Variants in PTPRK observed in about 807,000 individuals in gnomAD.
The protein encoded by PTPRK is receptor-type tyrosine-protein phosphatase kappa.
Under a neutral mutation model 178.0 loss-of-function variants are expected in PTPRK, and 75 were observed. The observed-to-expected ratio is 0.42, with a 90% CI of 0.35 to 0.51. The LOEUF is 0.51. Among genes scored for constraint, PTPRK ranks in the 20% least tolerant of loss-of-function variants. The probability of loss-of-function intolerance (pLI) is 0.02; values close to 1 mark genes in which losing one functional copy is unlikely to be tolerated. For synonymous variants in PTPRK, 637 were observed against 620.6 expected (o/e 1.03, Z -0.39); for missense variants, 1,441 against 1,797.8 (o/e 0.80, Z 3.59).
intron 13 of PTPRK, among the ~76,000 whole-genome samples, chr6:128,017,293 T>G (rs1779691718): frequency 6.6e-6 from 1 of 152,068 alleles, no homozygotes; most frequent in African/African-American, 2.4e-5. Context: ...AGAGATTTTG[T>G]ACAAGGCTAT....
At chr6:128,321,528 T>A in intron 3 of PTPRK, 1 of 374,226 alleles carries the variant, frequency 2.7e-6, no homozygotes, top group East Asian at 5.4e-5. Context: ...ATTTATTCAA[T>A]TAATTAATCA....
chr6:128,287,855 T>G lies in PTPRK; in HGVS notation c.495+34184A>C, dbSNP rs571972459. 2.6e-5 allele frequency among the ~76,000 whole-genome samples: 4 copies of G among 152,330 alleles called. 1 individual carries two copies. The highest frequency in any genetic ancestry group is 9.6e-5 in the African/African-American group (4 of 41,572). On this transcript the variant is annotated intron_variant, in intron 3 of 29. Transcript: ENST00000368226. ...TCCCCTTTCTATTTACTCCTTTCCATTAGCCTTTTATAAATATGCTCAAGT... is the reference window on the plus strand; with the variant it reads ...TCCCCTTTCTATTTACTCCTTTCCAGTAGCCTTTTATAAATATGCTCAAGT...
chr6:128,258,961 G>A (rs1455122244), intron 3 of PTPRK, among the ~76,000 whole-genome samples: 1 of 152,154 alleles, frequency 6.6e-6, no homozygotes, highest in Non-Finnish European at 1.5e-5. Context: ...GAAGCCAGTG[G>A]AGGATATGGG....
intron 7 of PTPRK, among the ~76,000 whole-genome samples, chr6:128,092,206 T>C (rs896971681): frequency 1.3e-5 from 2 of 152,176 alleles, no homozygotes; most frequent in Non-Finnish European, 2.9e-5. Context: ...TTTCTAAGAA[T>C]TGACAAAGTC....
chr6:128,453,734 G>A (rs1044930589), intron 1 of PTPRK, among the ~76,000 whole-genome samples: 1 of 152,112 alleles, frequency 6.6e-6, no homozygotes, highest in Non-Finnish European at 1.5e-5. Context: ...ATAAAACTTT[G>A]GAATTTGGGA....
chr6:128,365,557 C>A (rs1211484912), intron 2 of PTPRK, among the ~76,000 whole-genome samples: 5 of 152,070 alleles, frequency 3.3e-5, no homozygotes, highest in Non-Finnish European at 7.4e-5. Flanking sequence ...AGTCAAGTGA[C>A]CATTCATACT....
rs9385459 is a variant in PTPRK, at chr6:128,474,202, A to C, written c.100+46057T>G. Among the ~76,000 whole-genome samples, 8,592 of 151,674 alleles carry C rather than the reference A, an allele frequency of 0.057. 1,071 individuals carry two copies. In the East Asian group the frequency reaches 0.57, roughly 10 times the overall value. ...AAAACAAACAAACAAACAAACAAAC[A>C]AACCCTGAAAGTCATGTTGTAAGAG... On this transcript the variant is annotated intron_variant, in intron 1 of 29. Coordinates refer to ENST00000368226, the MANE Select transcript of PTPRK (RefSeq NM_002844.4).
At chr6:128,341,671 G>C (rs1484475258) in intron 2 of PTPRK, among the ~76,000 whole-genome samples, 1 of 152,124 alleles carries the variant, frequency 6.6e-6, no homozygotes, top group Non-Finnish European at 1.5e-5. Flanking sequence ...GCTAGGAAAG[G>C]CTTTCCTGCC....
chr6:128,005,216 T>C lies in PTPRK; in HGVS notation c.2362A>G (p.Met788Val), dbSNP rs1400647255. Residue 788 changes from methionine to valine, a missense_variant, in exon 15 of 30, where the codon ATG becomes GTG. By Grantham distance (21) the Met-to-Val change is conservative (BLOSUM62 1). This residue lies in a region of PTPRK where 945 missense variants were observed against 1,080.6 expected (regional missense o/e 0.87). Coordinates refer to ENST00000368226, the MANE Select transcript of PTPRK (RefSeq NM_002844.4). ...GTCATCTCCTGCCGGGTATTCCCCA[T>C]GGCATCTTTGCGTTTTTTAGCAAGT... ...SKLAKKRKDA[M>V]GNTRQEMTHM... 3 of 1,611,328 alleles carry C rather than the reference T, an allele frequency of 1.9e-6. No homozygotes were observed. Among genetic ancestry groups the C allele is most frequent in the Non-Finnish European group, 2.5e-6 (3 of 1,178,330 alleles).
chr6:128,392,773 AAG>A (rs1332343459), intron 2 of PTPRK, among the ~76,000 whole-genome samples: 3 of 152,110 alleles, frequency 2.0e-5, no homozygotes, highest in Non-Finnish European at 2.9e-5. Flanking sequence ...GAAATATGAA[AAG>A]AGAACACTTT....
chr6:128,224,444 A>G (rs556290084), intron 5 of PTPRK, among the ~76,000 whole-genome samples: 2 of 152,308 alleles, frequency 1.3e-5, no homozygotes, highest in Non-Finnish European at 2.9e-5. Flanking sequence ...ATAAAGGTTG[A>G]TTCTCCAACA....
intron 3 of PTPRK, among the ~76,000 whole-genome samples, chr6:128,270,067 T>A (rs746804936): frequency 2.6e-5 from 4 of 152,134 alleles, no homozygotes; most frequent in Non-Finnish European, 5.9e-5. Flanking sequence ...GTTCTGGCTT[T>A]TGGGCTAAGA....
chr6:128,093,647 A>C (rs1787423306), intron 7 of PTPRK, among the ~76,000 whole-genome samples: 1 of 150,680 alleles, frequency 6.6e-6, no homozygotes, highest in Non-Finnish European at 1.5e-5. Flanking sequence ...AAACAAAACA[A>C]AACAAAAAAC....
chr6:128,065,215 T>C (rs1192148121), intron 12 of PTPRK, among the ~76,000 whole-genome samples: 1 of 152,160 alleles, frequency 6.6e-6, no homozygotes, highest in Non-Finnish European at 1.5e-5. Flanking sequence ...TTCATCTGGA[T>C]CCTAGCATGA....
At chr6:128,430,595 T>C (rs1175286315) in intron 1 of PTPRK, among the ~76,000 whole-genome samples, 2 of 152,206 alleles carry the variant, frequency 1.3e-5, no homozygotes, top group Non-Finnish European at 2.9e-5. Flanking sequence ...GCTTATGCAC[T>C]TGCATGAGAG....
Position 127,995,537 on chromosome 6 carries a change from A to G in PTPRK, c.2769T>C (p.Tyr923=), listed in dbSNP as rs1310415073. The change falls in exon 18 of 30, where the codon TAT becomes TAC. Residue 923 remains tyrosine (Y), a splice_region_variant and synonymous_variant. Transcript: ENST00000368226. ...GTTGCAAAATCACTCTGGAGTGATCATCTAAAATTTTAAAATAATAAATAT... is the reference window on the plus strand; with the variant it reads ...GTTGCAAAATCACTCTGGAGTGATCGTCTAAAATTTTAAAATAATAAATAT... ...AKNRYGNIIA[Y]DHSRVILQPV... The G allele has an allele frequency of 1.2e-5, 19 of 1,559,870 alleles. No homozygotes were observed. In the South Asian group the frequency reaches 2.0e-4, roughly 16 times the overall value.
At chr6:128,143,751 A>T (rs1010009864) in intron 7 of PTPRK, among the ~76,000 whole-genome samples, 1 of 152,072 alleles carries the variant, frequency 6.6e-6, no homozygotes, top group Non-Finnish European at 1.5e-5. Flanking sequence ...AATCATTCTA[A>T]TCTCATCCTT....
chr6:127,972,314 C>T (rs898246644), intron 29 of PTPRK, among the ~76,000 whole-genome samples: 1 of 152,226 alleles, frequency 6.6e-6, no homozygotes, highest in African/African-American at 2.4e-5. Context: ...CTGCTCCCAA[C>T]CTGATCCCAC....
At chr6:128,223,010 G>A (rs1810682959) in intron 5 of PTPRK, among the ~76,000 whole-genome samples, 1 of 151,940 alleles carries the variant, frequency 6.6e-6, no homozygotes, top group Non-Finnish European at 1.5e-5. Flanking sequence ...CATGGATACT[G>A]CCTCAAAAAC....
Sources: allele counts gnomAD v4.1 joint callset (sites outside exome capture counted in the v4.1 genomes callset), GRCh38; gene constraint gnomAD v4.1.1; regional missense constraint gnomAD v4.1.1; transcripts MANE v1.5; gene names NCBI Gene and HGNC (gene_info 2026-07-23, HGNC 2026-07-21).